Variants in BEND7 observed in about 807,000 individuals in gnomAD.
BEND7 encodes BEN domain-containing protein 7.
In BEND7, 28 loss-of-function variants were observed where a neutral mutation model predicts 50.9. That is an observed-to-expected ratio of 0.55 (90% CI 0.41 to 0.75). BEND7 has a LOEUF of 0.75. Among genes scored for constraint, BEND7 ranks in the 30% least tolerant of loss-of-function variants. BEND7 has a pLI of 0.00. For synonymous variants in BEND7, 170 were observed against 183.9 expected (o/e 0.92, Z 0.61); for missense variants, 477 against 491.3 (o/e 0.97, Z 0.28).
chr10:13,482,386 T>C (rs568599460), intron 5 of BEND7, among the ~76,000 whole-genome samples: 2 of 152,376 alleles, frequency 1.3e-5, no homozygotes, highest in East Asian at 3.8e-4. Flanking sequence ...CTATCAAAGC[T>C]GATTCTTAGA....
Position 13,492,544 on chromosome 10 carries a change from A to G in BEND7, c.837+67T>C. ...TCTCTAGTTGTCAAAAGGGAAATCT[A>G]TAAATACTATAAAATTCCCAAAAGT... is the stretch of plus-strand genomic sequence containing the variant. On this transcript the variant is annotated intron_variant, in intron 5 of 8. Transcript: ENST00000466271. 4 of 1,577,906 alleles carry G rather than the reference A, an allele frequency of 2.5e-6. No individual in the cohort carries two copies. In the South Asian group the frequency reaches 4.6e-5, roughly 18 times the overall value.
intron 6 of BEND7, among the ~76,000 whole-genome samples, chr10:13,453,067 G>C (rs1002855659): frequency 6.6e-6 from 1 of 152,206 alleles, no homozygotes; most frequent in African/African-American, 2.4e-5. Context: ...AACACGAAAA[G>C]ATGGTCTTTC....
chr10:13,447,152 GA>G, intron 8 of BEND7, 113 bp downstream of exon 8: 1 of 1,086,908 alleles, frequency 9.2e-7, no homozygotes, highest in Non-Finnish European at 1.4e-6. Context: ...GTCCACTGCA[GA>G]AGCAGTTTGC....
chr10:13,482,557 T>C (rs1350369522), intron 5 of BEND7, among the ~76,000 whole-genome samples: 1 of 152,182 alleles, frequency 6.6e-6, no homozygotes, highest in African/African-American at 2.4e-5. Flanking sequence ...ATGGTCAAAG[T>C]AAACAGGGCT....
At chr10:13,452,728 ATTCT>A in intron 6 of BEND7, 70 bp from the exon 7 acceptor site, 1 of 1,406,148 alleles carries the variant, frequency 7.1e-7, no homozygotes. Flanking sequence ...ACAGAAATAT[ATTCT>A]AAAAAGAAAA....
chr10:13,492,877 C>G lies in BEND7; in HGVS notation c.572-1G>C. On this transcript the variant is annotated splice_acceptor_variant, in intron 4 of 8. Coordinates refer to ENST00000466271, the MANE Select transcript of BEND7 (RefSeq NM_001369863.1). LOFTEE classifies it high-confidence loss of function. Reference sequence around the variant, plus strand: ...GGTTGTTGTCTGTTTTGAGTTCCAACTGCGAATAATAAACAAAAATATGGT... The same window carrying G: ...GGTTGTTGTCTGTTTTGAGTTCCAAGTGCGAATAATAAACAAAAATATGGT... The G allele has an allele frequency of 6.3e-7, 1 of 1,593,812 alleles. No homozygotes were observed. The highest frequency in any genetic ancestry group is 8.5e-7 in the Non-Finnish European group (1 of 1,175,370).
rs143327187 is a variant in BEND7, at chr10:13,507,430, C to T, written c.146-7350G>A. Among the ~76,000 whole-genome samples the T allele has an allele frequency of 1.7e-4, 26 of 152,292 alleles. No homozygotes were observed. The East Asian group carries it at 3.7e-3, about 21-fold the overall frequency. ...GTCCAATCCTACCGCTACACTATTA[C>T]ACTATCATGTCCCGTTTTGTCCTAT... is the stretch of plus-strand genomic sequence containing the variant. On this transcript the variant is annotated intron_variant, in intron 2 of 8. Coordinates refer to ENST00000466271, the MANE Select transcript of BEND7 (RefSeq NM_001369863.1).
chr10:13,450,400 G>T lies in BEND7; in HGVS notation c.1183+2139C>A, dbSNP rs569904375. Among the ~76,000 whole-genome samples the T allele has an allele frequency of 1.2e-3, 187 of 152,222 alleles. 7 individuals are homozygous for T. In the South Asian group the frequency reaches 0.037, roughly 30 times the overall value. On this transcript the variant is annotated intron_variant, in intron 7 of 8. Coordinates refer to ENST00000466271, the MANE Select transcript of BEND7 (RefSeq NM_001369863.1). The stretch of plus-strand genomic sequence containing the variant: ...GTAATATTATTGATCCAGACCTCTC[G>T]GTTCCTATCGGCATCATGGAAGGAA...
At chr10:13,491,311 T>TAA (rs757106538) in intron 5 of BEND7, among the ~76,000 whole-genome samples, 60 of 97,378 alleles carry the variant, frequency 6.2e-4, no homozygotes, top group African/African-American at 2.0e-3. Flanking sequence ...AGACTCTGTC[T>TAA]AAAAAAAAAA....
In BEND7 at chr10:13,518,426, T is replaced by C. The variant is rs544349550; in HGVS notation, c.145+7712A>G. Reference sequence around the variant, plus strand: ...TAAGGTTTGTTGGTGTGATCTTTAATACATGGCTTTATGTCCTTAAATTAA... The same window carrying C: ...TAAGGTTTGTTGGTGTGATCTTTAACACATGGCTTTATGTCCTTAAATTAA... On this transcript the variant is annotated intron_variant, in intron 2 of 8. Transcript: ENST00000466271. Among the ~76,000 whole-genome samples the C allele has an allele frequency of 9.2e-5, 14 of 152,376 alleles. No individual in the cohort carries two copies. The South Asian group carries it at 2.7e-3, about 29-fold the overall frequency.
At chr10:13,496,945 A>AG in intron 3 of BEND7, 57 bp from the exon 4 acceptor site, 1 of 1,363,168 alleles carries the variant, frequency 7.3e-7, no homozygotes, top group Non-Finnish European at 9.8e-7. Flanking sequence ...AAAAAAAAAA[A>AG]TCATAAAGAG....
At chr10:13,509,623 C>T (rs536309768) in intron 2 of BEND7, among the ~76,000 whole-genome samples, 6 of 152,206 alleles carry the variant, frequency 3.9e-5, no homozygotes, top group African/African-American at 9.7e-5. Flanking sequence ...GGGAGGACTA[C>T]GCCTCACAAA....
intron 6 of BEND7, among the ~76,000 whole-genome samples, chr10:13,479,818 G>C (rs2075729419): frequency 8.1e-6 from 1 of 122,992 alleles, no homozygotes; most frequent in Admixed American, 8.7e-5. Flanking sequence ...TGTCCTTCTG[G>C]CCATGAACAA....
chr10:13,517,065 CTTT>C (rs5783329), intron 2 of BEND7, among the ~76,000 whole-genome samples: 20 of 126,096 alleles, frequency 1.6e-4, no homozygotes, highest in Admixed American at 2.4e-4. Context: ...TTTCTGGTGG[CTTT>C]TTTTTTTTTT....
rs996748772 is a variant in BEND7 at position 13,446,876 on chromosome 10, TGGA to T, written c.1234+387_1234+389del. The T allele has an allele frequency of 2.2e-4, 60 of 267,432 alleles. 1 individual carries two copies. In the Middle Eastern group the frequency reaches 3.8e-3, roughly 17 times the overall value. The allele number at this position is 267,432 out of a possible 1,614,324, so 16.6% of individuals were successfully genotyped here. The stretch of plus-strand genomic sequence containing the variant: ...GACTGCTCAAGGCTCCAAGGCCGTT[TGGA>T]GGAGGTGGGAGAGGACAGCCTAGCC... On this transcript the variant is annotated intron_variant, in intron 8 of 8. Coordinates refer to ENST00000466271, the MANE Select transcript of BEND7 (RefSeq NM_001369863.1).
chr10:13,483,726 T>G (rs191028565), intron 5 of BEND7, among the ~76,000 whole-genome samples: 1 of 152,156 alleles, frequency 6.6e-6, no homozygotes, highest in Non-Finnish European at 1.5e-5. Flanking sequence ...GCAAGACATA[T>G]GCACAAATAC....
At chr10:13,522,608 G>A (rs1310357590) in intron 2 of BEND7, among the ~76,000 whole-genome samples, 2 of 152,150 alleles carry the variant, frequency 1.3e-5, no homozygotes, top group Non-Finnish European at 2.9e-5. Context: ...CTTCCCACCT[G>A]GAATCTTCTC....
rs866331456 is a variant in BEND7, at chr10:13,484,782, T to A, written c.838-3658A>T. On this transcript the variant is annotated intron_variant, in intron 5 of 8. Coordinates refer to ENST00000466271, the MANE Select transcript of BEND7 (RefSeq NM_001369863.1). ...GAGTCATGATTTTAAGAGTTGGGAGTCTGAATTCCTACTATAAATTTGGAT... is the reference window on the plus strand; with the variant it reads ...GAGTCATGATTTTAAGAGTTGGGAGACTGAATTCCTACTATAAATTTGGAT... 2.6e-5 allele frequency among the ~76,000 whole-genome samples: 4 copies of A among 152,080 alleles called. 1 individual carries two copies. Among genetic ancestry groups the A allele is most frequent in the Middle Eastern group, 3.2e-3 (1 of 316 alleles).
intron 5 of BEND7, among the ~76,000 whole-genome samples, chr10:13,482,701 C>T (rs1384849239): frequency 6.6e-6 from 1 of 152,198 alleles, no homozygotes; most frequent in Non-Finnish European, 1.5e-5. Context: ...CATGTTTGGT[C>T]TCTGAATGTT....
Sources: gnomAD v4.1 joint callset for allele counts (sites outside exome capture counted in the v4.1 genomes callset) on GRCh38, gnomAD v4.1.1 for gene constraint, MANE v1.5 for transcripts, NCBI Gene and HGNC (gene_info 2026-07-23, HGNC 2026-07-21) for gene names.